Variants in CSMD1 observed in about 807,000 individuals in gnomAD.
CSMD1 encodes CUB and sushi domain-containing protein 1.
A neutral mutation model predicts 417.5 loss-of-function variants in CSMD1; 213 were observed. The observed-to-expected ratio is 0.51, with a 90% confidence interval of 0.46 to 0.57. The LOEUF (loss-of-function observed/expected upper bound fraction) is 0.57, where lower values mean the gene tolerates loss of function less well. Among genes scored for constraint, CSMD1 ranks in the 20% least tolerant of loss-of-function variants. The probability of loss-of-function intolerance (pLI) is 0.00; values close to 1 mark genes in which losing one functional copy is unlikely to be tolerated. For synonymous variants in CSMD1, 2,862 were observed against 1,736.8 expected, an observed-to-expected ratio of 1.65 and a Z score of -16.11; for missense variants, 6,923 against 4,529.7, an observed-to-expected ratio of 1.53 and a Z score of -15.17.
At chr8:3,604,630 G>C (rs941275762) in intron 8 of CSMD1, among the ~76,000 whole-genome samples, 2 of 152,064 alleles carry the variant, frequency 1.3e-5, no homozygotes, top group African/African-American at 4.8e-5. Context: ...GCAAGAAAAG[G>C]AATCAAAGGA....
chr8:4,771,614 C>G (rs762546628), intron 1 of CSMD1, among the ~76,000 whole-genome samples: 1 of 152,174 alleles, frequency 6.6e-6, no homozygotes, highest in Non-Finnish European at 1.5e-5. Flanking sequence ...AATGTTGAAA[C>G]GTCCGTGAAT....
chr8:4,324,635 AAAAC>A (rs766280344), intron 3 of CSMD1, among the ~76,000 whole-genome samples: 2 of 152,242 alleles, frequency 1.3e-5, no homozygotes, highest in African/African-American at 2.4e-5. Flanking sequence ...CATACAGAAG[AAAAC>A]AAACAAACAC....
At chr8:4,563,689 A>T (rs1798453981) in intron 2 of CSMD1, among the ~76,000 whole-genome samples, 1 of 152,202 alleles carries the variant, frequency 6.6e-6, no homozygotes, top group Non-Finnish European at 1.5e-5. Context: ...TTTAAAGGAA[A>T]TTCCTCCTTC....
chr8:3,675,862 G>C (rs1287765708), intron 7 of CSMD1, among the ~76,000 whole-genome samples: 6 of 152,166 alleles, frequency 3.9e-5, no homozygotes, highest in African/African-American at 9.7e-5. Context: ...AAATTTTCTA[G>C]ACTAACGCTA....
chr8:3,406,987 C>T (rs6990027), intron 14 of CSMD1, among the ~76,000 whole-genome samples: 21,111 of 151,896 alleles, frequency 0.14, 1,526 homozygotes, highest in East Asian at 0.2. Flanking sequence ...GCATAAGTGG[C>T]TGAGTGGGTG....
chr8:4,056,768 G>C (rs1170094760), intron 3 of CSMD1, among the ~76,000 whole-genome samples: 4 of 151,686 alleles, frequency 2.6e-5, no homozygotes, highest in Non-Finnish European at 5.9e-5. Flanking sequence ...TCCCACCTAT[G>C]AGTGAGAACA....
intron 54 of CSMD1, among the ~76,000 whole-genome samples, chr8:2,986,407 A>T (rs1383015350): frequency 6.6e-6 from 1 of 152,196 alleles, no homozygotes; most frequent in African/African-American, 2.4e-5. Flanking sequence ...GTGTGGGTGC[A>T]AACACATATC....
chr8:4,693,071 C>A (rs914279987), intron 1 of CSMD1, among the ~76,000 whole-genome samples: 1 of 152,202 alleles, frequency 6.6e-6, no homozygotes, highest in Admixed American at 6.5e-5. Flanking sequence ...CTACACTACA[C>A]AGCTTTCTTC....
chr8:4,465,535 T>A (rs1162379196), intron 2 of CSMD1, among the ~76,000 whole-genome samples: 24 of 152,114 alleles, frequency 1.6e-4, no homozygotes, highest in Admixed American at 1.6e-3. Context: ...CACATACAAC[T>A]CCACTCTCAG....
intron 11 of CSMD1, among the ~76,000 whole-genome samples, chr8:3,481,724 C>T (rs1563079611): frequency 6.6e-6 from 1 of 152,126 alleles, no homozygotes; most frequent in Non-Finnish European, 1.5e-5. Flanking sequence ...ACTCTGAATT[C>T]AGAGAGTGGG....
chr8:3,497,683 C>T (rs1339020037), intron 10 of CSMD1, among the ~76,000 whole-genome samples: 2 of 152,146 alleles, frequency 1.3e-5, no homozygotes, highest in African/African-American at 4.8e-5. Context: ...TAGTCTATGC[C>T]TTTACAGGTG....
At chr8:3,338,911 T>C (rs184789925) in intron 23 of CSMD1, among the ~76,000 whole-genome samples, 2,114 of 151,686 alleles carry the variant, frequency 0.014, 48 homozygotes, top group African/African-American at 0.049. Flanking sequence ...TGTATACATG[T>C]GCCATGCTGG....
chr8:3,452,402 A>G (rs1304584820), intron 12 of CSMD1, among the ~76,000 whole-genome samples: 1 of 152,174 alleles, frequency 6.6e-6, no homozygotes, highest in Non-Finnish European at 1.5e-5. Flanking sequence ...GCCAGTTTTG[A>G]AAGGGAATGC....
intron 3 of CSMD1, among the ~76,000 whole-genome samples, chr8:4,294,066 C>T (rs1023513204): frequency 3.3e-5 from 5 of 152,070 alleles, no homozygotes; most frequent in South Asian, 2.1e-4. Flanking sequence ...ACTATTGCAC[C>T]GAAATACTGC....
At chr8:3,070,920 T>C (rs1813283022) in intron 49 of CSMD1, among the ~76,000 whole-genome samples, 1 of 152,220 alleles carries the variant, frequency 6.6e-6, no homozygotes, top group African/African-American at 2.4e-5. Context: ...GAGGTTTGAT[T>C]GGCTCATGGT....
chr8:3,147,071 A>C (rs1283453910), intron 40 of CSMD1, among the ~76,000 whole-genome samples: 8 of 119,140 alleles, frequency 6.7e-5, no homozygotes, highest in African/African-American at 3.2e-4. Flanking sequence ...TGGAGGAGCA[A>C]CGCTTACTGG....
rs776107752 is a variant in CSMD1, at chr8:3,960,484, A to G, written c.818+37419T>C. 1.8e-4 allele frequency among the ~76,000 whole-genome samples: 27 copies of G among 152,310 alleles called. No individual in the cohort carries two copies. In the South Asian group the frequency reaches 1.9e-3, roughly 11 times the overall value. The stretch of plus-strand genomic sequence containing the variant: ...GGGCGAATATTATTTATGCCTTTAA[A>G]GACTGATTCTTATAAATATTGAGAA... On this transcript the variant is annotated intron_variant, in intron 5 of 69. Transcript: ENST00000635120.
intron 5 of CSMD1, among the ~76,000 whole-genome samples, chr8:3,815,280 G>A (rs893554553): frequency 6.6e-6 from 1 of 152,090 alleles, no homozygotes; most frequent in African/African-American, 2.4e-5. Context: ...ATTGATAACA[G>A]AAGAAAGAAT....
chr8:3,674,502 G>A (rs1799267309), intron 7 of CSMD1, among the ~76,000 whole-genome samples: 2 of 152,120 alleles, frequency 1.3e-5, no homozygotes, highest in South Asian at 4.2e-4. Context: ...GTATTGGACA[G>A]TATACCGTGA....
Sources: allele counts gnomAD v4.1 joint callset (sites outside exome capture counted in the v4.1 genomes callset), GRCh38; gene constraint gnomAD v4.1.1; transcripts MANE v1.5; gene names NCBI Gene and HGNC (gene_info 2026-07-23, HGNC 2026-07-21).